HDAC9: variants seen among roughly 807,000 people sequenced by gnomAD.
The protein encoded by HDAC9 is histone deacetylase 9.
A neutral mutation model predicts 139.4 loss-of-function variants in HDAC9; 41 were observed. The ratio of observed to expected loss-of-function variants is 0.29; its 90% CI spans 0.23 to 0.38. The LOEUF is 0.38. Ranked by LOEUF, HDAC9 falls within the 10% of genes least tolerant of loss-of-function variation. The probability of loss-of-function intolerance (pLI) is 1.00; values close to 1 mark genes in which losing one functional copy is unlikely to be tolerated. For synonymous variants in HDAC9, 517 were observed against 476.2 expected, an observed-to-expected ratio of 1.09 and a Z score of -1.12; for missense variants, 1,147 against 1,297.0, an observed-to-expected ratio of 0.88 and a Z score of 1.78.
In HDAC9 at chr7:18,458,768, G is replaced by C. The variant is rs139466052; in HGVS notation, c.-41-37494G>C. The C allele has an allele frequency of 5.2e-5, 46 of 885,136 alleles. No homozygotes were observed. In the African/African-American group the frequency reaches 6.6e-4, roughly 13 times the overall value. 54.8% of individuals were successfully genotyped at this position (885,136 alleles called of 1,614,324 possible). On this transcript the variant is annotated intron_variant, in intron 1 of 3. Transcript: ENST00000413509. ...TAGTAACAAAGAGAGAGCTGGAGGT[G>C]GTGGCTCTTGCTTGTCACTCCAACT...
At position 18,573,180 on chromosome 7, in the gene HDAC9, A is replaced by G. The variant is rs573150261; in HGVS notation, c.23-12101A>G. On this transcript the variant is annotated intron_variant, in intron 2 of 25. Transcript: ENST00000686413. Reference sequence around the variant, plus strand: ...TTTATGCCATGTAGTAGTTGACTTTAAGAAACTAAAGACATGGATAACTTG... The same window carrying G: ...TTTATGCCATGTAGTAGTTGACTTTGAGAAACTAAAGACATGGATAACTTG... Among the ~76,000 whole-genome samples the G allele has an allele frequency of 2.6e-5, 4 of 152,304 alleles. No individual in the cohort carries two copies. In the South Asian group the frequency reaches 8.3e-4, roughly 32 times the overall value.
chr7:18,977,658 G>A (rs1439271549), intron 25 of HDAC9, among the ~76,000 whole-genome samples: 1 of 152,130 alleles, frequency 6.6e-6, no homozygotes, highest in African/African-American at 2.4e-5. Context: ...TGATGGCAGA[G>A]AGAGAATGTG....
At chr7:18,946,716 C>T (rs1030505772) in intron 23 of HDAC9, among the ~76,000 whole-genome samples, 1 of 151,952 alleles carries the variant, frequency 6.6e-6, no homozygotes, top group Non-Finnish European at 1.5e-5. Flanking sequence ...ATCATCATAA[C>T]AAATTTTAGT....
At chr7:18,759,810 C>T (rs900491206) in intron 14 of HDAC9, among the ~76,000 whole-genome samples, 1 of 152,072 alleles carries the variant, frequency 6.6e-6, no homozygotes, top group Non-Finnish European at 1.5e-5. Flanking sequence ...CAGCTAGAAT[C>T]AGTGGGATTG....
At chr7:18,127,064 A>G (rs181645691) in intron 1 of HDAC9, among the ~76,000 whole-genome samples, 1 of 152,266 alleles carries the variant, frequency 6.6e-6, no homozygotes, top group East Asian at 1.9e-4. Flanking sequence ...GTTCCAAGTG[A>G]TTCTCAGAGA....
chr7:18,949,451 G>A (rs1378053385), intron 23 of HDAC9: 4 of 225,494 alleles, frequency 1.8e-5, no homozygotes, highest in Admixed American at 4.1e-5. Context: ...CCTGAACTAT[G>A]CTTCAACCAT....
At chr7:18,666,536 T>C (rs1372883485) in intron 12 of HDAC9, 60 bp downstream of exon 12, 1 of 1,568,682 alleles carries the variant, frequency 6.4e-7, no homozygotes, top group Middle Eastern at 1.7e-4. Context: ...GAACATGAAA[T>C]GCATTGCAGG....
intron 12 of HDAC9, among the ~76,000 whole-genome samples, chr7:18,725,402 T>A (rs1226916956): frequency 6.6e-6 from 1 of 152,142 alleles, no homozygotes; most frequent in Non-Finnish European, 1.5e-5. Flanking sequence ...GATCTAAGGC[T>A]TAAAATGTAG....
chr7:18,682,812 G>GTC (rs10644628), intron 12 of HDAC9, among the ~76,000 whole-genome samples: 14,378 of 151,652 alleles, frequency 0.095, 1,726 homozygotes, highest in African/African-American at 0.28. Flanking sequence ...GTGAAACCCT[G>GTC]TCTAATAAAA....
At chr7:18,319,665 A>G (rs923904484) in intron 1 of HDAC9, among the ~76,000 whole-genome samples, 13 of 152,264 alleles carry the variant, frequency 8.5e-5, no homozygotes, top group African/African-American at 2.9e-4. Context: ...AAACATAAAA[A>G]AGGCTAAATT....
At chr7:18,774,295 A>G (rs2129166694) in intron 16 of HDAC9, among the ~76,000 whole-genome samples, 1 of 152,140 alleles carries the variant, frequency 6.6e-6, no homozygotes, top group South Asian at 2.1e-4. Flanking sequence ...TATATTCGAT[A>G]TTTTTATGCT....
intron 1 of HDAC9, among the ~76,000 whole-genome samples, chr7:18,426,451 A>G (rs1790124044): frequency 6.6e-6 from 1 of 152,238 alleles, no homozygotes; most frequent in Non-Finnish European, 1.5e-5. Context: ...ATCCAGGGAT[A>G]GCTATATAAT....
intron 25 of HDAC9, among the ~76,000 whole-genome samples, chr7:18,985,124 C>G (rs1785232261): frequency 6.6e-6 from 1 of 151,846 alleles, no homozygotes; most frequent in Admixed American, 6.6e-5. Context: ...GCACAATGTG[C>G]AGGTTAGTTA....
rs372896073 is a variant in HDAC9, at chr7:18,650,274, T to C, written c.1467+1591T>C. Among the ~76,000 whole-genome samples the C allele has an allele frequency of 1.8e-4, 28 of 152,250 alleles. No homozygotes were observed. The East Asian group carries it at 2.5e-3, about 14-fold the overall frequency. On this transcript the variant is annotated intron_variant, in intron 11 of 25. Transcript: ENST00000686413. ...GATTAGGGATCGTATTTTTTTGCCATATAGTGTTTTGATCTAGAATTAGGT... is the reference window on the plus strand; with the variant it reads ...GATTAGGGATCGTATTTTTTTGCCACATAGTGTTTTGATCTAGAATTAGGT...
At chr7:18,300,981 TAAAG>T (rs138384260) in intron 1 of HDAC9, among the ~76,000 whole-genome samples, 1,607 of 152,230 alleles carry the variant, frequency 0.011, 25 homozygotes, top group African/African-American at 0.037. Context: ...TCCTGTCAAA[TAAAG>T]AATTATTAAG....
chr7:18,130,819 C>T (rs1784953546), intron 1 of HDAC9, among the ~76,000 whole-genome samples: 1 of 152,006 alleles, frequency 6.6e-6, no homozygotes, highest in Non-Finnish European at 1.5e-5. Context: ...ATCTTTGCTC[C>T]CAAGTTACCG....
intron 1 of HDAC9, among the ~76,000 whole-genome samples, chr7:18,103,152 C>G (rs1345114666): frequency 6.6e-6 from 1 of 152,008 alleles, no homozygotes. Flanking sequence ...ATTTATAAAA[C>G]CATCAGATCT....
chr7:18,885,687 C>T (rs1446734644), intron 22 of HDAC9, among the ~76,000 whole-genome samples: 2 of 152,110 alleles, frequency 1.3e-5, no homozygotes, highest in Non-Finnish European at 2.9e-5. Flanking sequence ...AATATGTACG[C>T]ACTTTTTAAT....
At chr7:18,727,862 AT>A (rs1196849824) in intron 13 of HDAC9, 105 bp downstream of exon 13, 31 of 939,036 alleles carry the variant, frequency 3.3e-5, no homozygotes, top group Non-Finnish European at 4.3e-5. Flanking sequence ...AGAACACTCC[AT>A]TTTAACCCAG....
Sources: allele counts gnomAD v4.1 joint callset (sites outside exome capture counted in the v4.1 genomes callset), GRCh38; gene constraint gnomAD v4.1.1; transcripts MANE v1.5; gene names NCBI Gene and HGNC (gene_info 2026-07-23, HGNC 2026-07-21).